The following NEMP1 variants were observed in gnomAD, a reference collection of about 807,000 sequenced individuals.
NEMP1 encodes the protein nuclear envelope integral membrane protein 1.
Under a neutral mutation model 53.7 loss-of-function variants are expected in NEMP1, and 29 were observed. The ratio of observed to expected loss-of-function variants is 0.54; its 90% confidence interval spans 0.40 to 0.74. NEMP1 has a LOEUF of 0.74. Among genes scored for constraint, NEMP1 ranks in the 30% least tolerant of loss-of-function variants. The pLI is 0.00. For missense variants in NEMP1, 477 were observed against 528.6 expected (o/e 0.90, Z 0.96); for synonymous variants, 193 against 192.9 (o/e 1.00, Z 0.00).
At chr12:57,069,078 T>A (rs1042082913) in intron 4 of NEMP1, among the ~76,000 whole-genome samples, 156 bp downstream of exon 4, 11 of 152,120 alleles carry the variant, frequency 7.2e-5, no homozygotes, top group Non-Finnish European at 1.3e-4. Flanking sequence ...ACAAAAATCA[T>A]AATACACATT....
rs2031684299 is a variant in NEMP1 at position 57,059,360 on chromosome 12, A to C, written c.*519T>G. 1 of 152,316 alleles carries C rather than the reference A, an allele frequency of 6.6e-6. No homozygotes were observed. Among genetic ancestry groups the C allele is most frequent in the African/African-American group, 2.4e-5 (1 of 41,458 alleles). 9.4% of individuals were successfully genotyped at this position (152,316 alleles called of 1,614,324 possible). A position where few individuals can be genotyped will look rare whatever the true frequency, so the allele number is the denominator to read the frequency against. On this transcript the variant is annotated 3_prime_UTR_variant, in exon 9 of 9. Coordinates refer to ENST00000300128, the MANE Select transcript of NEMP1 (RefSeq NM_001130963.2). Reference sequence around the variant, plus strand: ...TTAAAAGACATTCATTTAAAAAACAAAACAATAAAAATCTATTTTCCTCCC... The same window carrying C: ...TTAAAAGACATTCATTTAAAAAACACAACAATAAAAATCTATTTTCCTCCC...
At chr12:57,065,958 A>C (rs1174370812) in intron 4 of NEMP1, among the ~76,000 whole-genome samples, 1 of 152,014 alleles carries the variant, frequency 6.6e-6, no homozygotes, top group Admixed American at 6.6e-5. Context: ...CTTTAGCTTT[A>C]AAAAAGTTGT....
chr12:57,086,156 G>A (rs551650566), intron 1 of NEMP1, among the ~76,000 whole-genome samples: 2 of 152,244 alleles, frequency 1.3e-5, no homozygotes, highest in South Asian at 2.1e-4. Flanking sequence ...GTTGGGGGAG[G>A]AGTGAGCAGA....
chr12:57,067,729 A>G (rs2032158444), intron 4 of NEMP1, among the ~76,000 whole-genome samples: 1 of 152,150 alleles, frequency 6.6e-6, no homozygotes, highest in South Asian at 2.1e-4. Context: ...TCCCTCATGT[A>G]TTTCCCAATA....
chr12:57,073,834 C>A (rs940490532), intron 1 of NEMP1, among the ~76,000 whole-genome samples: 3 of 152,182 alleles, frequency 2.0e-5, no homozygotes, highest in Non-Finnish European at 4.4e-5. Context: ...GATTCACCCC[C>A]AGGTCTGACT....
upstream of NEMP1, among the ~76,000 whole-genome samples, chr12:57,079,034 A>G (rs1234787387): frequency 6.6e-5 from 10 of 152,224 alleles, no homozygotes; most frequent in Non-Finnish European, 1.5e-4. Context: ...CAGTTTATTT[A>G]CAACTGGTGT....
chr12:57,061,235 T>C (rs1302549150), intron 7 of NEMP1, among the ~76,000 whole-genome samples: 2 of 152,210 alleles, frequency 1.3e-5, no homozygotes, highest in East Asian at 3.8e-4. Context: ...CTTTTTATTT[T>C]ATATAAAATG....
At chr12:57,072,567 T>C (rs984581024) in intron 2 of NEMP1, among the ~76,000 whole-genome samples, 1 of 152,132 alleles carries the variant, frequency 6.6e-6, no homozygotes, top group Admixed American at 6.5e-5. Flanking sequence ...GAAAGAAGTT[T>C]ACCTTAGAAT....
upstream of NEMP1, among the ~76,000 whole-genome samples, chr12:57,079,216 C>A (rs543101559): frequency 1.4e-4 from 21 of 152,226 alleles, no homozygotes; most frequent in South Asian, 3.7e-3. Flanking sequence ...ATGAGTAGGA[C>A]CCTGATAGGA....
upstream of NEMP1, among the ~76,000 whole-genome samples, chr12:57,079,075 C>T (rs1305469135): frequency 2.0e-5 from 3 of 152,164 alleles, no homozygotes; most frequent in Non-Finnish European, 4.4e-5. Context: ...AATAGAAAAT[C>T]GGAATGGGAG....
In NEMP1 at chr12:57,070,896, G is replaced by A; in HGVS notation, c.253-3C>T. The A allele has an allele frequency of 6.3e-7, 1 of 1,593,342 alleles. No individual in the cohort carries two copies. The highest frequency in any genetic ancestry group is 8.5e-7 in the Non-Finnish European group (1 of 1,169,814). On this transcript the variant is annotated splice_region_variant and splice_polypyrimidine_tract_variant and intron_variant, in intron 2 of 8. Coordinates refer to ENST00000300128, the MANE Select transcript of NEMP1 (RefSeq NM_001130963.2). ...AATCTGGAACTATTTACTCGGATCT[G>A]TAACACAAATAAAATCAGGATGAGA...
chr12:57,075,576 G>A (rs1359582859), intron 1 of NEMP1, among the ~76,000 whole-genome samples: 1 of 150,694 alleles, frequency 6.6e-6, no homozygotes, highest in East Asian at 2.0e-4. Flanking sequence ...GTAGTCCCAG[G>A]ACTTTGGGAA....
At chr12:57,068,120 A>G (rs2032180375) in intron 4 of NEMP1, among the ~76,000 whole-genome samples, 1 of 152,076 alleles carries the variant, frequency 6.6e-6, no homozygotes, top group African/African-American at 2.4e-5. Flanking sequence ...TTCTCTCAGC[A>G]TCACCAAAAT....
chr12:57,077,848 C>T (rs559680624), intron 1 of NEMP1, among the ~76,000 whole-genome samples: 2 of 152,192 alleles, frequency 1.3e-5, no homozygotes, highest in Admixed American at 1.3e-4. Flanking sequence ...TTTGGGAGGG[C>T]CAAGGCGGAT....
At position 57,056,039 on chromosome 12, in the gene NEMP1, T is replaced by C. The variant is rs577161188; in HGVS notation, c.*3840A>G. ...AGAGGTGATTTCACCATTTTCAAAT[T>C]ATCATCAAGAGTGTGAAAGAGGAAG... On this transcript the variant is annotated 3_prime_UTR_variant, in exon 9 of 9. Coordinates refer to ENST00000300128, the MANE Select transcript of NEMP1 (RefSeq NM_001130963.2). 2.0e-5 allele frequency: 3 copies of C among 152,334 alleles called. No homozygotes were observed. Among genetic ancestry groups the C allele is most frequent in the East Asian group, 3.9e-4 (2 of 5,192 alleles). 9.4% of individuals were successfully genotyped at this position (152,334 alleles called of 1,614,324 possible).
intron 1 of NEMP1, among the ~76,000 whole-genome samples, chr12:57,076,909 A>G (rs1338692093): frequency 8.1e-6 from 1 of 124,164 alleles, no homozygotes; most frequent in Non-Finnish European, 1.6e-5. Flanking sequence ...AGATTGCACC[A>G]CTGCACTCCA....
In NEMP1 at chr12:57,078,599, AG is replaced by A. The variant is rs774793610; in HGVS notation, c.127+19del. Reference sequence around the variant, plus strand: ...CCCCCTCGGCACCTGCCCCCTTGGCAGCTGCTGCCCGGGCGGTACCTGTGCC... The same window carrying A: ...CCCCCTCGGCACCTGCCCCCTTGGCACTGCTGCCCGGGCGGTACCTGTGCC... On this transcript the variant is annotated intron_variant, in intron 1 of 8. Transcript: ENST00000300128. 1.0e-5 allele frequency: 16 copies of A among 1,595,814 alleles called. No homozygotes were observed. The Admixed American group carries it at 2.8e-4, about 28-fold the overall frequency.
At chr12:57,080,893 CAAAAAA>C (rs60838518), upstream of NEMP1, among the ~76,000 whole-genome samples, 1 of 86,958 alleles carries the variant, frequency 1.1e-5, no homozygotes, top group African/African-American at 3.6e-5. Flanking sequence ...TCTCTTGTCT[CAAAAAA>C]AAAAAAAAAA....
Position 57,070,912 on chromosome 12 carries a change from C to G in NEMP1, c.253-19G>C. Reference sequence around the variant, plus strand: ...CTCGGATCTGTAACACAAATAAAATCAGGATGAGAAAAAAGGAAGTAGGAA... The same window carrying G: ...CTCGGATCTGTAACACAAATAAAATGAGGATGAGAAAAAAGGAAGTAGGAA... On this transcript the variant is annotated intron_variant, in intron 2 of 8. Transcript: ENST00000300128. 2 of 1,569,422 alleles carry G rather than the reference C, an allele frequency of 1.3e-6. No homozygotes were observed. Among genetic ancestry groups the G allele is most frequent in the Non-Finnish European group, 1.7e-6 (2 of 1,155,714 alleles).
Sources: allele counts gnomAD v4.1 joint callset (sites outside exome capture counted in the v4.1 genomes callset), GRCh38; gene constraint gnomAD v4.1.1; transcripts MANE v1.5; gene names NCBI Gene and HGNC (gene_info 2026-07-23, HGNC 2026-07-21).